SLC16A7: variants seen among roughly 807,000 people sequenced by gnomAD.
SLC16A7 encodes the protein solute carrier family 16 member 7.
SLC16A7 carries 33 observed loss-of-function variants against 34.9 expected under a neutral mutation model. The observed-to-expected ratio is 0.94, with a 90% CI of 0.72 to 1.26. SLC16A7 has a LOEUF of 1.26. Among genes scored for constraint, SLC16A7 ranks in the 50% most tolerant of loss-of-function variants. SLC16A7 has a pLI of 0.00. For synonymous variants in SLC16A7, 201 were observed against 206.6 expected, an observed-to-expected ratio of 0.97 and a Z score of 0.23; for missense variants, 573 against 578.1, an observed-to-expected ratio of 0.99 and a Z score of 0.09.
At chr12:59,754,779 CCAAAGCTGGG>C (rs1880086201) in intron 3 of SLC16A7, among the ~76,000 whole-genome samples, 1 of 152,158 alleles carries the variant, frequency 6.6e-6, no homozygotes, top group Admixed American at 6.5e-5. Context: ...CATCCTGATA[CCAAAGCTGGG>C]CAGAGACACA....
chr12:59,617,317 A>G (rs1879498660), intron 1 of SLC16A7, among the ~76,000 whole-genome samples: 1 of 152,016 alleles, frequency 6.6e-6, no homozygotes, highest in African/African-American at 2.4e-5. Flanking sequence ...GACAGGCACT[A>G]GGCTCCAATC....
In SLC16A7 at chr12:59,613,319, A is replaced by T. The variant is rs538271263; in HGVS notation, c.-130+17083A>T. Among the ~76,000 whole-genome samples, 3 of 152,336 alleles carry T rather than the reference A, an allele frequency of 2.0e-5. No individual in the cohort carries two copies. The East Asian group carries it at 5.8e-4, about 29-fold the overall frequency. On this transcript the variant is annotated intron_variant, in intron 1 of 5. Transcript: ENST00000547379. The stretch of plus-strand genomic sequence containing the variant: ...CATGAGGGAAACCACCCCATGGTTA[A>T]ATTCCACCCACCAGGTCCCTTCCAT...
At chr12:59,770,105 A>G (rs1259366054) in intron 3 of SLC16A7, among the ~76,000 whole-genome samples, 1 of 152,174 alleles carries the variant, frequency 6.6e-6, no homozygotes, top group African/African-American at 2.4e-5. Flanking sequence ...TAGAATTTTT[A>G]TAACTACTAA....
At chr12:59,683,509 C>A (rs537895090) in intron 2 of SLC16A7, among the ~76,000 whole-genome samples, 1 of 152,196 alleles carries the variant, frequency 6.6e-6, no homozygotes, top group East Asian at 1.9e-4. Context: ...AAGATGCATT[C>A]AAGAGCTATT....
intron 2 of SLC16A7, among the ~76,000 whole-genome samples, chr12:59,673,442 C>CT (rs1475409045): frequency 6.6e-6 from 1 of 151,456 alleles, no homozygotes; most frequent in Non-Finnish European, 1.5e-5. Flanking sequence ...TAGGTAGGAC[C>CT]CTGTGTTACT....
chr12:59,635,147 G>A (rs1880359391), intron 1 of SLC16A7, among the ~76,000 whole-genome samples: 1 of 151,966 alleles, frequency 6.6e-6, no homozygotes, highest in Admixed American at 6.6e-5. Flanking sequence ...TTATACTAAA[G>A]GTGTTACAGC....
intron 2 of SLC16A7, among the ~76,000 whole-genome samples, chr12:59,690,025 T>C (rs1019287012): frequency 1.3e-5 from 2 of 151,952 alleles, no homozygotes; most frequent in Non-Finnish European, 2.9e-5. Context: ...CTGAGTAAGA[T>C]TTCATTCCTA....
Position 59,714,149 on chromosome 12 carries a change from C to T in SLC16A7, c.217+9131C>T, listed in dbSNP as rs1047472806. ...CAGAGGAAACAGTATTTGTGAAAGCCGTGGAAGAGTCATGGAGAGTTCTAG... is the reference window on the plus strand; with the variant it reads ...CAGAGGAAACAGTATTTGTGAAAGCTGTGGAAGAGTCATGGAGAGTTCTAG... On this transcript the variant is annotated intron_variant, in intron 3 of 5. Transcript: ENST00000547379. Among the ~76,000 whole-genome samples the T allele has an allele frequency of 3.9e-5, 6 of 152,038 alleles. No homozygotes were observed. The South Asian group carries it at 6.2e-4, about 16-fold the overall frequency.
intron 2 of SLC16A7, among the ~76,000 whole-genome samples, chr12:59,688,316 T>C (rs1427203590): frequency 2.6e-5 from 4 of 152,050 alleles, no homozygotes; most frequent in African/African-American, 7.2e-5. Context: ...AGTGGCAATA[T>C]GACCACTTTA....
intron 1 of SLC16A7, among the ~76,000 whole-genome samples, chr12:59,632,539 T>C (rs1880229398): frequency 1.3e-5 from 2 of 151,946 alleles, no homozygotes; most frequent in South Asian, 4.1e-4. Context: ...ATTTTAATCC[T>C]GTACTTGCAC....
At chr12:59,744,668 G>A (rs547684033) in intron 3 of SLC16A7, among the ~76,000 whole-genome samples, 22 of 152,272 alleles carry the variant, frequency 1.4e-4, no homozygotes, top group Admixed American at 1.3e-3. Context: ...AGGGCCCACT[G>A]AGCTATAAAT....
rs749173352 is a variant in SLC16A7 at position 59,787,476 on chromosome 12, T to C, written c.*7797T>C. On this transcript the variant is annotated 3_prime_UTR_variant, in exon 6 of 6. Coordinates refer to ENST00000547379, the MANE Select transcript of SLC16A7 (RefSeq NM_001270623.2). The stretch of plus-strand genomic sequence containing the variant: ...AGATTCCATCTACCTCTGCATCTTA[T>C]CTAGCTAGATACAGTCTTTCTAAAC... 6.6e-6 allele frequency: 1 copy of C among 152,204 alleles called. No individual in the cohort carries two copies. Among genetic ancestry groups the C allele is most frequent in the East Asian group, 1.9e-4 (1 of 5,196 alleles). The allele number at this position is 152,204 out of a possible 1,614,324, so 9.4% of individuals were successfully genotyped here.
intron 3 of SLC16A7, among the ~76,000 whole-genome samples, chr12:59,753,494 CA>C (rs1380135113): frequency 1.3e-5 from 2 of 152,048 alleles, no homozygotes; most frequent in Non-Finnish European, 1.5e-5. Flanking sequence ...CAACAAAGAT[CA>C]AAAGAGACAA....
At chr12:59,702,072 C>G (rs1872952869) in intron 2 of SLC16A7, among the ~76,000 whole-genome samples, 3 of 151,654 alleles carry the variant, frequency 2.0e-5, no homozygotes, top group Admixed American at 2.0e-4. Flanking sequence ...CAGTATTCTT[C>G]TAGGGTTTCT....
chr12:59,781,183 A>G lies in SLC16A7; in HGVS notation c.*1504A>G, dbSNP rs1883219372. The G allele has an allele frequency of 6.6e-6, 1 of 152,282 alleles. No individual in the cohort carries two copies. The allele number at this position is 152,282 out of a possible 1,614,324, so 9.4% of individuals were successfully genotyped here. A position where few individuals can be genotyped will look rare whatever the true frequency, so the allele number is the denominator to read the frequency against. On this transcript the variant is annotated 3_prime_UTR_variant, in exon 6 of 6. Transcript: ENST00000547379. ...GAGGCATATTCTTTTTAAACTATAA[A>G]TACCATTTTGAGTGAGAAAGTACTT...
intron 2 of SLC16A7, among the ~76,000 whole-genome samples, chr12:59,687,681 G>A (rs1250249016): frequency 6.6e-6 from 1 of 152,088 alleles, no homozygotes; most frequent in East Asian, 1.9e-4. Context: ...GTCAGCTGTG[G>A]CTCTGGTTGG....
intron 2 of SLC16A7, among the ~76,000 whole-genome samples, chr12:59,689,871 A>G (rs777191535): frequency 7.9e-5 from 12 of 151,872 alleles, no homozygotes; most frequent in Non-Finnish European, 1.3e-4. Flanking sequence ...GTGGCTTCCC[A>G]GCTATGCTCT....
intron 1 of SLC16A7, among the ~76,000 whole-genome samples, chr12:59,614,256 C>CGGGA (rs951572442): frequency 1.3e-5 from 2 of 152,028 alleles, no homozygotes; most frequent in African/African-American, 4.8e-5. Flanking sequence ...AGGCTGGTCT[C>CGGGA]TAACTCCTGA....
intron 1 of SLC16A7, among the ~76,000 whole-genome samples, chr12:59,601,129 A>G (rs1230421029): frequency 6.6e-6 from 1 of 152,244 alleles, no homozygotes; most frequent in African/African-American, 2.4e-5. Flanking sequence ...ATAAAGATCC[A>G]TATACAGTGT....
Sources: gnomAD v4.1 joint callset for allele counts (sites outside exome capture counted in the v4.1 genomes callset) on GRCh38, gnomAD v4.1.1 for gene constraint, MANE v1.5 for transcripts, NCBI Gene and HGNC (gene_info 2026-07-23, HGNC 2026-07-21) for gene names.